Variants in RNGTT observed in about 807,000 individuals in gnomAD.
RNGTT encodes RNA guanylyltransferase and 5'-phosphatase, also known as mRNA-capping enzyme.
A neutral mutation model predicts 79.3 loss-of-function variants in RNGTT; 33 were observed. The ratio of observed to expected loss-of-function variants is 0.42; its 90% confidence interval spans 0.32 to 0.56. The LOEUF (loss-of-function observed/expected upper bound fraction) is 0.56, where lower values mean the gene tolerates loss of function less well. Among genes scored for constraint, RNGTT ranks in the 20% least tolerant of loss-of-function variants. The pLI, the probability that RNGTT is intolerant of heterozygous loss-of-function variation, is 0.17. For missense variants in RNGTT, 497 were observed against 739.1 expected, an observed-to-expected ratio of 0.67 and a Z score of 3.80; for synonymous variants, 222 against 235.9, an observed-to-expected ratio of 0.94 and a Z score of 0.54.
At chr6:88,853,144 T>A (rs531260867) in intron 9 of RNGTT, among the ~76,000 whole-genome samples, 14 of 152,336 alleles carry the variant, frequency 9.2e-5, no homozygotes, top group South Asian at 8.3e-4. Context: ...AGTTGGCAGA[T>A]CTCTCTTTAA....
intron 8 of RNGTT, 126 bp from the exon 9 acceptor site, chr6:88,853,890 T>C: frequency 1.9e-6 from 1 of 518,948 alleles, no homozygotes; most frequent in Non-Finnish European, 3.4e-6. Flanking sequence ...GGAGTCTCTT[T>C]ATCATGTAGA....
chr6:88,790,795 T>C (rs1313145928), intron 12 of RNGTT, among the ~76,000 whole-genome samples: 1 of 152,164 alleles, frequency 6.6e-6, no homozygotes, highest in Non-Finnish European at 1.5e-5. Flanking sequence ...AATTTTGAAA[T>C]GTTGGCAAAT....
Position 88,801,711 on chromosome 6 carries a change from T to C in RNGTT, c.1270-79A>G, listed in dbSNP as rs188536650. 444 of 907,668 alleles carry C rather than the reference T, an allele frequency of 4.9e-4. 6 individuals are homozygous for C. In the African/African-American group the frequency reaches 6.9e-3, roughly 14 times the overall value. 56.2% of individuals were successfully genotyped at this position (907,668 alleles called of 1,614,324 possible). Reference sequence around the variant, plus strand: ...TATTTAAACTTCTTGCTAAGCTTTATAAAAACTTCTTAATATATAAGTTAT... The same window carrying C: ...TATTTAAACTTCTTGCTAAGCTTTACAAAAACTTCTTAATATATAAGTTAT... On this transcript the variant is annotated intron_variant, in intron 11 of 15. Coordinates refer to ENST00000369485, the MANE Select transcript of RNGTT (RefSeq NM_003800.5).
At chr6:88,782,185 T>C (rs984180238) in intron 12 of RNGTT, among the ~76,000 whole-genome samples, 2 of 152,070 alleles carry the variant, frequency 1.3e-5, no homozygotes, top group African/African-American at 4.8e-5. Flanking sequence ...GGTTTGAGTG[T>C]TCTTAAATCA....
intron 11 of RNGTT, among the ~76,000 whole-genome samples, chr6:88,805,580 TG>T (rs750301456): frequency 6.6e-6 from 1 of 152,262 alleles, no homozygotes; most frequent in Middle Eastern, 3.4e-3. Flanking sequence ...CAGAAAGACT[TG>T]GTCCTGACAA....
intron 13 of RNGTT, chr6:88,714,318 C>T (rs1368303788): frequency 6.6e-6 from 1 of 152,180 alleles, no homozygotes; most frequent in Non-Finnish European, 1.5e-5. Context: ...TGAAGCAAGA[C>T]ATGAGGCCAA....
intron 4 of RNGTT, among the ~76,000 whole-genome samples, chr6:88,916,381 G>C (rs1783999572): frequency 6.6e-6 from 1 of 152,214 alleles, no homozygotes; most frequent in African/African-American, 2.4e-5. Context: ...GCTGAGAGGA[G>C]AGGATCGCTT....
At chr6:88,843,747 C>CG (rs777328935) in intron 11 of RNGTT, among the ~76,000 whole-genome samples, 39 of 150,590 alleles carry the variant, frequency 2.6e-4, no homozygotes, top group Non-Finnish European at 3.8e-4. Flanking sequence ...TTAGTAGAGA[C>CG]GGGTTTCACC....
Position 88,849,843 on chromosome 6 carries a change from A to C in RNGTT, c.1033-17T>G. The C allele has an allele frequency of 6.5e-7, 1 of 1,532,842 alleles. No individual in the cohort carries two copies. Among genetic ancestry groups the C allele is most frequent in the Non-Finnish European group, 8.7e-7 (1 of 1,145,276 alleles). The allele number at this position is 1,532,842 out of a possible 1,614,324, so 95.0% of individuals were successfully genotyped here. ...AATCATCTCCTTGAAAGAGAAAAGA[A>C]GGTAAGTTTCTTCATACTTTAATAA... On this transcript the variant is annotated splice_polypyrimidine_tract_variant and intron_variant, in intron 9 of 15. Transcript: ENST00000369485.
At chr6:88,716,590 G>T in intron 13 of RNGTT, among the ~76,000 whole-genome samples, 1 of 152,158 alleles carries the variant, frequency 6.6e-6, no homozygotes, top group Non-Finnish European at 1.5e-5. Flanking sequence ...ATGATAGACT[G>T]GATTAAGAAA....
At chr6:88,882,328 C>A (rs1782716861) in intron 8 of RNGTT, among the ~76,000 whole-genome samples, 1 of 152,148 alleles carries the variant, frequency 6.6e-6, no homozygotes, top group African/African-American at 2.4e-5. Flanking sequence ...AGCTGTTAAT[C>A]AATTATCCAC....
chr6:88,738,929 G>A (rs1305626197), intron 13 of RNGTT, among the ~76,000 whole-genome samples: 1 of 151,354 alleles, frequency 6.6e-6, no homozygotes, highest in Non-Finnish European at 1.5e-5. Flanking sequence ...AATGAATGAT[G>A]TATAAATAAT....
At chr6:88,833,218 T>A (rs1054870554) in intron 11 of RNGTT, among the ~76,000 whole-genome samples, 1 of 152,164 alleles carries the variant, frequency 6.6e-6, no homozygotes, top group African/African-American at 2.4e-5. Context: ...ATGTGGCACA[T>A]AGACACCATG....
At chr6:88,746,060 T>C (rs138034806) in intron 13 of RNGTT, among the ~76,000 whole-genome samples, 3 of 152,328 alleles carry the variant, frequency 2.0e-5, no homozygotes, top group African/African-American at 7.2e-5. Flanking sequence ...GATGTTTTTC[T>C]ATGATGCAGT....
intron 1 of RNGTT, among the ~76,000 whole-genome samples, chr6:88,958,765 T>C (rs1785516030): frequency 1.3e-5 from 2 of 152,246 alleles, no homozygotes; most frequent in South Asian, 2.1e-4. Flanking sequence ...CTGGTGGGAA[T>C]GTAAATTATT....
At chr6:88,705,785 T>C (rs1248062371) in intron 13 of RNGTT, among the ~76,000 whole-genome samples, 1 of 152,148 alleles carries the variant, frequency 6.6e-6, no homozygotes, top group African/African-American at 2.4e-5. Flanking sequence ...GTGGTCAAAC[T>C]GAAATTTTCC....
intron 12 of RNGTT, among the ~76,000 whole-genome samples, chr6:88,782,687 A>C (rs1198163930): frequency 1.3e-5 from 2 of 152,164 alleles, no homozygotes; most frequent in African/African-American, 4.8e-5. Flanking sequence ...AAAATCATAC[A>C]ACTCAATATT....
chr6:88,944,081 C>A (rs1300609706), intron 1 of RNGTT, among the ~76,000 whole-genome samples: 1 of 152,116 alleles, frequency 6.6e-6, no homozygotes, highest in Non-Finnish European at 1.5e-5. Context: ...TAAAACATCC[C>A]CTTTTCAACT....
At chr6:88,656,388 T>C (rs1773979003) in intron 14 of RNGTT, among the ~76,000 whole-genome samples, 1 of 152,222 alleles carries the variant, frequency 6.6e-6, no homozygotes. Flanking sequence ...ATTGGTGTTT[T>C]ATGTAGCTTA....
Sources: allele counts gnomAD v4.1 joint callset (sites outside exome capture counted in the v4.1 genomes callset), GRCh38; gene constraint gnomAD v4.1.1; transcripts MANE v1.5; gene names NCBI Gene and HGNC (gene_info 2026-07-23, HGNC 2026-07-21).